Variants in CNBD1 observed in about 807,000 individuals in gnomAD.
CNBD1 encodes the protein cyclic nucleotide-binding domain-containing protein 1.
Under a neutral mutation model 54.4 loss-of-function variants are expected in CNBD1, and 71 were observed. The ratio of observed to expected loss-of-function variants is 1.30; its 90% confidence interval spans 1.08 to 1.59. The LOEUF (loss-of-function observed/expected upper bound fraction) is 1.59, where lower values mean the gene tolerates loss of function less well. Ranked by LOEUF, CNBD1 falls within the 40% of genes most tolerant of loss-of-function variation. The probability of loss-of-function intolerance (pLI) is 0.00; values close to 1 mark genes in which losing one functional copy is unlikely to be tolerated. For synonymous variants in CNBD1, 182 were observed against 170.7 expected, an observed-to-expected ratio of 1.07 and a Z score of -0.51; for missense variants, 659 against 518.0, an observed-to-expected ratio of 1.27 and a Z score of -2.64.
At chr8:87,027,358 G>A (rs554756895) in intron 4 of CNBD1, among the ~76,000 whole-genome samples, 3 of 152,102 alleles carry the variant, frequency 2.0e-5, no homozygotes, top group South Asian at 4.1e-4. Flanking sequence ...TGCAACCACC[G>A]TCTCCTGGGT....
chr8:87,195,478 T>C (rs2130789254), intron 4 of CNBD1, among the ~76,000 whole-genome samples: 1 of 151,988 alleles, frequency 6.6e-6, no homozygotes, highest in Middle Eastern at 3.4e-3. Flanking sequence ...TCCACCCACC[T>C]TGGCCTCCCA....
intron 4 of CNBD1, among the ~76,000 whole-genome samples, chr8:87,165,358 A>T (rs568425789): frequency 6.6e-6 from 1 of 152,064 alleles, no homozygotes; most frequent in South Asian, 2.1e-4. Flanking sequence ...GGGGTATTAT[A>T]GTCCCCTACT....
intron 4 of CNBD1, among the ~76,000 whole-genome samples, chr8:87,059,436 C>G (rs1810495892): frequency 6.6e-6 from 1 of 152,318 alleles, no homozygotes; most frequent in African/African-American, 2.4e-5. Flanking sequence ...TCTTCTCATG[C>G]TGTTATGAAG....
At chr8:87,341,228 GA>G (rs1563560673) in intron 8 of CNBD1, among the ~76,000 whole-genome samples, 1 of 151,984 alleles carries the variant, frequency 6.6e-6, no homozygotes, top group Non-Finnish European at 1.5e-5. Flanking sequence ...TGGTCCTCTG[GA>G]GAAGCAGAAT....
chr8:87,277,691 C>A (rs187783388), intron 6 of CNBD1, among the ~76,000 whole-genome samples: 7 of 151,730 alleles, frequency 4.6e-5, no homozygotes, highest in African/African-American at 1.7e-4. Context: ...AAACCAGTCT[C>A]AAAATACCTC....
At chr8:87,302,176 A>C (rs1287166149) in intron 8 of CNBD1, among the ~76,000 whole-genome samples, 3 of 152,194 alleles carry the variant, frequency 2.0e-5, no homozygotes, top group Non-Finnish European at 4.4e-5. Context: ...CCTGGCAGAG[A>C]CACAACAAAA....
chr8:87,171,741 C>A (rs1484673555), intron 4 of CNBD1, among the ~76,000 whole-genome samples: 2 of 151,838 alleles, frequency 1.3e-5, no homozygotes, highest in Non-Finnish European at 2.9e-5. Context: ...TGGGTTCAAG[C>A]AATTCTCTGC....
intron 3 of CNBD1, among the ~76,000 whole-genome samples, chr8:86,913,219 A>G (rs1384798661): frequency 6.6e-6 from 1 of 152,188 alleles, no homozygotes; most frequent in Non-Finnish European, 1.5e-5. Context: ...CACATACAGT[A>G]ATGTCCTACT....
At chr8:87,083,807 C>T (rs1811046034) in intron 4 of CNBD1, among the ~76,000 whole-genome samples, 1 of 152,036 alleles carries the variant, frequency 6.6e-6, no homozygotes, top group South Asian at 2.1e-4. Context: ...CCAGGATGGT[C>T]TTGATCTCAT....
intron 4 of CNBD1, among the ~76,000 whole-genome samples, chr8:87,168,291 T>A (rs1034782128): frequency 6.6e-6 from 1 of 152,050 alleles, no homozygotes; most frequent in Non-Finnish European, 1.5e-5. Context: ...TTTTTATTTT[T>A]ATTTTATGGG....
At chr8:87,338,175 G>A (rs527375514) in intron 8 of CNBD1, among the ~76,000 whole-genome samples, 1 of 152,066 alleles carries the variant, frequency 6.6e-6, no homozygotes, top group African/African-American at 2.4e-5. Flanking sequence ...TTTAAGTAAC[G>A]TTATAAGAAT....
Position 87,421,171 on chromosome 8 carries a change from C to T in CNBD1, c.214-7375C>T, listed in dbSNP as rs184356861. Among the ~76,000 whole-genome samples, 14 of 152,208 alleles carry T rather than the reference C, an allele frequency of 9.2e-5. No homozygotes were observed. In the East Asian group the frequency reaches 2.7e-3, roughly 29 times the overall value. ...CTGAGAACCAAATTTTACCTTATCTCTGCCTCTAAAATTAGGCAAGTTACA... is the reference window on the plus strand; with the variant it reads ...CTGAGAACCAAATTTTACCTTATCTTTGCCTCTAAAATTAGGCAAGTTACA... On this transcript the variant is annotated intron_variant, in intron 2 of 7. Transcript: ENST00000521593.
chr8:87,089,498 G>A (rs1032245267), intron 4 of CNBD1, among the ~76,000 whole-genome samples: 2 of 152,100 alleles, frequency 1.3e-5, no homozygotes, highest in Non-Finnish European at 2.9e-5. Flanking sequence ...GCAAGACATT[G>A]TGACTAACTA....
intron 4 of CNBD1, among the ~76,000 whole-genome samples, chr8:87,204,805 C>T (rs1008888351): frequency 6.6e-6 from 1 of 152,092 alleles, no homozygotes; most frequent in African/African-American, 2.4e-5. Context: ...AAGTCAATGG[C>T]ACATATTTTA....
chr8:86,867,506 G>T (rs543747697), intron 1 of CNBD1, among the ~76,000 whole-genome samples: 84 of 152,262 alleles, frequency 5.5e-4, no homozygotes, highest in Non-Finnish European at 1.1e-3. Flanking sequence ...AGGTATAACA[G>T]GTGGCAGTTG....
chr8:87,260,577 T>G (rs1445975659), intron 6 of CNBD1, among the ~76,000 whole-genome samples: 11 of 152,182 alleles, frequency 7.2e-5, no homozygotes, highest in Non-Finnish European at 1.6e-4. Context: ...TCCACTGTTT[T>G]TGCACAGGGA....
chr8:86,967,399 G>A (rs1808108559), intron 4 of CNBD1, among the ~76,000 whole-genome samples: 1 of 152,248 alleles, frequency 6.6e-6, no homozygotes, highest in Non-Finnish European at 1.5e-5. Context: ...CAGGAGACTT[G>A]GGTTTGCAGC....
intron 8 of CNBD1, among the ~76,000 whole-genome samples, chr8:87,325,713 G>A (rs1478510172): frequency 6.4e-5 from 9 of 141,006 alleles, no homozygotes; most frequent in African/African-American, 2.5e-4. Flanking sequence ...ATGTGAGATG[G>A]GTTTCCTGAA....
At chr8:87,426,480 G>A (rs1343555924) in intron 2 of CNBD1, among the ~76,000 whole-genome samples, 1 of 152,124 alleles carries the variant, frequency 6.6e-6, no homozygotes, top group African/African-American at 2.4e-5. Context: ...CCATAAAATT[G>A]AGAGAAATTC....
Sources: gnomAD v4.1 joint callset for allele counts (sites outside exome capture counted in the v4.1 genomes callset) on GRCh38, gnomAD v4.1.1 for gene constraint, MANE v1.5 for transcripts, NCBI Gene and HGNC (gene_info 2026-07-23, HGNC 2026-07-21) for gene names.